The following CENPK variants were observed in gnomAD, a reference collection of about 807,000 sequenced individuals.
CENPK encodes the protein SoxLZ/Sox6-binding protein Solt.
In CENPK, 46 loss-of-function variants were observed where a neutral mutation model predicts 40.9. The ratio of observed to expected loss-of-function variants is 1.13; its 90% CI spans 0.89 to 1.44. The LOEUF is 1.44. Among genes scored for constraint, CENPK ranks in the 40% most tolerant of loss-of-function variants. CENPK has a pLI of 0.00. For synonymous variants in CENPK, 107 were observed against 104.4 expected (o/e 1.02, Z -0.15); for missense variants, 288 against 303.5 (o/e 0.95, Z 0.38).
chr5:65,523,912 C>T (rs1744198882), intron 9 of CENPK, among the ~76,000 whole-genome samples: 1 of 151,896 alleles, frequency 6.6e-6, no homozygotes, highest in Admixed American at 6.6e-5. Flanking sequence ...GGGAGCAATA[C>T]CTAACAGAAC....
At chr5:65,503,258 C>T in the CENPK span, among the ~76,000 whole-genome samples, 1 of 152,098 alleles carries the variant, frequency 6.6e-6, no homozygotes, top group African/African-American at 2.4e-5. Context: ...AGGCACACAC[C>T]ACCATGCCCA....
At chr5:65,549,718 T>C (rs961752885) in intron 5 of CENPK, among the ~76,000 whole-genome samples, 1 of 152,224 alleles carries the variant, frequency 6.6e-6, no homozygotes, top group Non-Finnish European at 1.5e-5. Flanking sequence ...TGCAGCTTCC[T>C]CATCTCTCTC....
chr5:65,535,831 G>A (rs1245964725), intron 6 of CENPK, among the ~76,000 whole-genome samples: 1 of 152,160 alleles, frequency 6.6e-6, no homozygotes, highest in African/African-American at 2.4e-5. Flanking sequence ...GACACAACTA[G>A]CATTACAAAT....
At chr5:65,531,403 GTC>G (rs1371361912) in intron 6 of CENPK, among the ~76,000 whole-genome samples, 2 of 129,258 alleles carry the variant, frequency 1.5e-5, no homozygotes, top group Non-Finnish European at 3.3e-5. Flanking sequence ...ATCAAAATTT[GTC>G]TTTTTTTTTT....
chr5:65,541,501 G>A lies in CENPK; in HGVS notation c.288+1301C>T, dbSNP rs1261191574. The A allele has an allele frequency of 6.6e-6, 3 of 452,000 alleles. No individual in the cohort carries two copies. In the Admixed American group the frequency reaches 7.1e-5, roughly 11 times the overall value. 28.0% of individuals were successfully genotyped at this position (452,000 alleles called of 1,614,324 possible). A position where few individuals can be genotyped will look rare whatever the true frequency, so the allele number is the denominator to read the frequency against. On this transcript the variant is annotated intron_variant, in intron 6 of 10. Transcript: ENST00000396679. ...TTTTGGTAACCAGAGGTGCTACGTT[G>A]TATTGAGTGGTGACGGAGACTAGGA... is the stretch of plus-strand genomic sequence containing the variant.
At chr5:65,549,103 G>C (rs1038060758) in intron 5 of CENPK, among the ~76,000 whole-genome samples, 1 of 152,164 alleles carries the variant, frequency 6.6e-6, no homozygotes, top group African/African-American at 2.4e-5. Context: ...CTGGGCGGCA[G>C]AACAGATGTT....
chr5:65,559,797 G>C (rs1005900904), intron 2 of CENPK, among the ~76,000 whole-genome samples: 1 of 152,022 alleles, frequency 6.6e-6, no homozygotes, highest in African/African-American at 2.4e-5. Context: ...AGCCTTTCTT[G>C]ACTTTCTATA....
At chr5:65,557,521 G>A (rs948568437) in intron 2 of CENPK, among the ~76,000 whole-genome samples, 10 of 152,196 alleles carry the variant, frequency 6.6e-5, no homozygotes, top group African/African-American at 2.4e-4. Flanking sequence ...AAAGCCCAAA[G>A]TAGCACAAAA....
intron 10 of CENPK, among the ~76,000 whole-genome samples, chr5:65,520,977 T>G (rs1055420508): frequency 6.6e-6 from 1 of 152,142 alleles, no homozygotes; most frequent in East Asian, 1.9e-4. Flanking sequence ...TCAGAGAAAG[T>G]TGGAAAACTC....
chr5:65,507,353 C>T, the CENPK span, among the ~76,000 whole-genome samples: 1 of 152,104 alleles, frequency 6.6e-6, no homozygotes, highest in Non-Finnish European at 1.5e-5. Context: ...CAGATAAGCA[C>T]GTTTGGTTTA....
chr5:65,529,082 A>AGGG (rs1353503652), intron 7 of CENPK, 35 bp downstream of exon 7: 1 of 1,537,726 alleles, frequency 6.5e-7, no homozygotes, highest in Admixed American at 1.7e-5. Flanking sequence ...CTTAATATAT[A>AGGG]TGAATGATTA....
Position 65,545,439 on chromosome 5 carries a change from G to C in CENPK, c.242-2591C>G, listed in dbSNP as rs75164791. On this transcript the variant is annotated intron_variant, in intron 5 of 10. Coordinates refer to ENST00000396679, the MANE Select transcript of CENPK (RefSeq NM_022145.5). ...ACAGCACATTTCTCATCAGTACCAA[G>C]GGAGGCAGAGGTAAGTGGCACATTT... Among the ~76,000 whole-genome samples the C allele has an allele frequency of 1.3e-4, 19 of 151,710 alleles. No homozygotes were observed. The East Asian group carries it at 3.3e-3, about 26-fold the overall frequency.
the CENPK span, among the ~76,000 whole-genome samples, chr5:65,499,221 A>G: frequency 6.8e-6 from 1 of 146,792 alleles, no homozygotes; most frequent in African/African-American, 2.5e-5. Flanking sequence ...GCTAGCAACA[A>G]ACTCTCTTAG....
In CENPK at chr5:65,517,865, G is replaced by C. The variant is rs1743000469; in HGVS notation, c.*610C>G. On this transcript the variant is annotated 3_prime_UTR_variant, in exon 11 of 11. Coordinates refer to ENST00000396679, the MANE Select transcript of CENPK (RefSeq NM_022145.5). The stretch of plus-strand genomic sequence containing the variant: ...TTGGTAATAATTAGCAGAATCAAGA[G>C]TAGATTAATATATAAGGTAACATGA... 1 of 151,884 alleles carries C rather than the reference G, an allele frequency of 6.6e-6. No homozygotes were observed. The highest frequency in any genetic ancestry group is 2.4e-5 in the African/African-American group (1 of 41,394). The allele number at this position is 151,884 out of a possible 1,614,324, so 9.4% of individuals were successfully genotyped here.
intron 5 of CENPK, among the ~76,000 whole-genome samples, chr5:65,546,247 C>A (rs1748947877): frequency 6.6e-6 from 1 of 152,174 alleles, no homozygotes; most frequent in African/African-American, 2.4e-5. Flanking sequence ...CTCAGGTGAT[C>A]CACCAGCCCT....
chr5:65,496,723 T>C, the CENPK span, among the ~76,000 whole-genome samples: 3 of 151,632 alleles, frequency 2.0e-5, no homozygotes, highest in African/African-American at 7.3e-5. Context: ...TTGCTGTTTG[T>C]TTTTTTTCCA....
chr5:65,547,118 C>T lies in CENPK; in HGVS notation c.242-4270G>A, dbSNP rs553118350. ...GAACATTTTAATATTTGAGGCTGGGCGTGGTGGCTCATACCTGTAATCCCA... is the reference window on the plus strand; with the variant it reads ...GAACATTTTAATATTTGAGGCTGGGTGTGGTGGCTCATACCTGTAATCCCA... On this transcript the variant is annotated intron_variant, in intron 5 of 10. Coordinates refer to ENST00000396679, the MANE Select transcript of CENPK (RefSeq NM_022145.5). Among the ~76,000 whole-genome samples, 59 of 152,008 alleles carry T rather than the reference C, an allele frequency of 3.9e-4. 1 individual carries two copies. Among genetic ancestry groups the T allele is most frequent in the African/African-American group, 1.3e-3 (53 of 41,378 alleles).
intron 2 of CENPK, chr5:65,561,235 A>T (rs1751897414): frequency 3.8e-6 from 1 of 260,966 alleles, no homozygotes; most frequent in African/African-American, 2.2e-5. Flanking sequence ...ACAAAGCCAA[A>T]ATCAGTCATC....
intron 8 of CENPK, 139 bp from the exon 9 acceptor site, chr5:65,528,717 A>G (rs1725151405): frequency 8.6e-7 from 1 of 1,167,144 alleles, no homozygotes; most frequent in Admixed American, 3.3e-5. Context: ...TTTGAAAATC[A>G]TATTGTCTAT....
Sources: allele counts gnomAD v4.1 joint callset (sites outside exome capture counted in the v4.1 genomes callset), GRCh38; gene constraint gnomAD v4.1.1; transcripts MANE v1.5; gene names NCBI Gene and HGNC (gene_info 2026-07-23, HGNC 2026-07-21).